Variants in LRRC4C observed in about 807,000 individuals in gnomAD.
The protein encoded by LRRC4C is leucine-rich repeat-containing protein 4C.
A neutral mutation model predicts 33.6 loss-of-function variants in LRRC4C; 5 were observed. The observed-to-expected ratio is 0.15, with a 90% CI of 0.08 to 0.31. The LOEUF is 0.31. LRRC4C is among the 10% of genes least tolerant of loss of function. The pLI is 1.00. For missense variants in LRRC4C, 560 were observed against 796.7 expected, an observed-to-expected ratio of 0.70 and a Z score of 3.58; for synonymous variants, 329 against 302.0, an observed-to-expected ratio of 1.09 and a Z score of -0.93.
At chr11:40,947,407 G>C (rs939401806) in intron 1 of LRRC4C, among the ~76,000 whole-genome samples, 1 of 152,070 alleles carries the variant, frequency 6.6e-6, no homozygotes, top group African/African-American at 2.4e-5. Context: ...TTTAAGCTTT[G>C]TTGGTAACAG....
rs150589657 is a variant in LRRC4C at position 40,358,055 on chromosome 11, T to G, written c.-269-38334A>C. On this transcript the variant is annotated intron_variant, in intron 3 of 6. Transcript: ENST00000528697. ...AAAATTAGCCAGGCATAGTGGCACA[T>G]GCCTGTAGTTCCAGCTACTTGGGAG... 9.8e-3 allele frequency among the ~76,000 whole-genome samples: 1,486 copies of G among 152,090 alleles called. 21 individuals are homozygous for G. Among genetic ancestry groups the G allele is most frequent in the African/African-American group, 0.034 (1,429 of 41,500 alleles).
chr11:41,090,948 GT>G (rs567430236), intron 1 of LRRC4C, among the ~76,000 whole-genome samples: 1,826 of 152,186 alleles, frequency 0.012, 23 homozygotes, highest in Non-Finnish European at 0.021. Context: ...GTCTCAGGCA[GT>G]TCTTTATAGC....
chr11:41,211,358 C>A (rs1230007457), intron 1 of LRRC4C, among the ~76,000 whole-genome samples: 1 of 151,934 alleles, frequency 6.6e-6, no homozygotes, highest in Non-Finnish European at 1.5e-5. Flanking sequence ...ACTTTAAGTT[C>A]TAGGGTACAT....
chr11:40,749,708 A>G (rs1180826198), intron 2 of LRRC4C, among the ~76,000 whole-genome samples: 1 of 151,954 alleles, frequency 6.6e-6, no homozygotes, highest in Non-Finnish European at 1.5e-5. Context: ...ATAGGTAAAC[A>G]AAAGTAATAA....
Position 41,291,202 on chromosome 11 carries a change from G to A in LRRC4C, c.-496+168229C>T, listed in dbSNP as rs568437549. Among the ~76,000 whole-genome samples, 11 of 152,236 alleles carry A rather than the reference G, an allele frequency of 7.2e-5. No individual in the cohort carries two copies. The East Asian group carries it at 2.1e-3, about 29-fold the overall frequency. ...TCAAACTTTGCAATGAAATTCAAGA[G>A]ATAAGATTCACCACTTAGGAAGGAG... On this transcript the variant is annotated intron_variant, in intron 1 of 6. Coordinates refer to ENST00000528697, the MANE Select transcript of LRRC4C (RefSeq NM_001258419.2).
chr11:41,351,900 C>T (rs1951997289), intron 1 of LRRC4C, among the ~76,000 whole-genome samples: 1 of 152,072 alleles, frequency 6.6e-6, no homozygotes, highest in Admixed American at 6.5e-5. Flanking sequence ...AATGAAAGAC[C>T]ATTACTTGAC....
At chr11:40,716,236 G>T (rs776667959) in intron 2 of LRRC4C, among the ~76,000 whole-genome samples, 1 of 152,254 alleles carries the variant, frequency 6.6e-6, no homozygotes, top group Middle Eastern at 3.4e-3. Flanking sequence ...ATGGGTCCAT[G>T]TGCAAGGTCC....
intron 1 of LRRC4C, among the ~76,000 whole-genome samples, chr11:40,948,620 TG>T (rs2136684204): frequency 6.7e-6 from 1 of 148,336 alleles, no homozygotes; most frequent in Admixed American, 6.8e-5. Flanking sequence ...ATGCGGTGTT[TG>T]GTTTTTTGTT....
At chr11:40,708,712 T>A (rs1946304250) in intron 2 of LRRC4C, among the ~76,000 whole-genome samples, 1 of 152,210 alleles carries the variant, frequency 6.6e-6, no homozygotes, top group Admixed American at 6.5e-5. Context: ...GTTCTGTAGA[T>A]GTCTATTAGG....
chr11:40,358,594 T>C (rs891232004), intron 3 of LRRC4C, among the ~76,000 whole-genome samples: 1 of 152,156 alleles, frequency 6.6e-6, no homozygotes, highest in African/African-American at 2.4e-5. Context: ...AATCTCTTAA[T>C]ATAACCTCCC....
chr11:40,353,357 C>T (rs553914706), intron 3 of LRRC4C, among the ~76,000 whole-genome samples: 2 of 152,178 alleles, frequency 1.3e-5, no homozygotes, highest in South Asian at 4.1e-4. Flanking sequence ...ATCAATTCTG[C>T]TCTTGAGAAA....
intron 1 of LRRC4C, among the ~76,000 whole-genome samples, chr11:40,961,194 G>A (rs541000431): frequency 3.3e-5 from 5 of 151,804 alleles, no homozygotes; most frequent in African/African-American, 9.6e-5. Flanking sequence ...AAATCCATGA[G>A]GCACTGAAAA....
chr11:41,190,409 T>C (rs1945889318), intron 1 of LRRC4C, among the ~76,000 whole-genome samples: 1 of 152,150 alleles, frequency 6.6e-6, no homozygotes, highest in Non-Finnish European at 1.5e-5. Context: ...AATCCAAGCA[T>C]TTGCAGGAAG....
At chr11:41,261,052 T>C (rs1322244517) in intron 1 of LRRC4C, among the ~76,000 whole-genome samples, 3 of 152,118 alleles carry the variant, frequency 2.0e-5, no homozygotes, top group Admixed American at 1.3e-4. Flanking sequence ...TTTTGAAAGT[T>C]TGTGCTCCTC....
chr11:41,274,498 CA>C (rs1361125085), intron 1 of LRRC4C, among the ~76,000 whole-genome samples: 2 of 152,076 alleles, frequency 1.3e-5, no homozygotes, highest in Non-Finnish European at 2.9e-5. Flanking sequence ...GAAGTGAAGC[CA>C]GCTGGACTTC....
chr11:40,879,586 A>T (rs1474242480), intron 2 of LRRC4C, among the ~76,000 whole-genome samples: 2 of 152,168 alleles, frequency 1.3e-5, no homozygotes, highest in Non-Finnish European at 2.9e-5. Flanking sequence ...ACTAAAATTT[A>T]TTAAGTAAAC....
At chr11:40,436,694 T>A (rs759216126) in intron 3 of LRRC4C, among the ~76,000 whole-genome samples, 3 of 152,172 alleles carry the variant, frequency 2.0e-5, no homozygotes, top group Non-Finnish European at 4.4e-5. Flanking sequence ...TGAGATGCCA[T>A]CTGCCAGAAG....
intron 5 of LRRC4C, among the ~76,000 whole-genome samples, chr11:40,186,175 G>A (rs981223663): frequency 1.3e-5 from 2 of 152,094 alleles, no homozygotes. Flanking sequence ...ATTTAATGGG[G>A]GAATGAATAC....
At chr11:41,337,877 T>C in intron 1 of LRRC4C, among the ~76,000 whole-genome samples, 1 of 151,792 alleles carries the variant, frequency 6.6e-6, no homozygotes, top group East Asian at 1.9e-4. Flanking sequence ...ATGGGCAAAG[T>C]ATATGAACAG....
Sources: gnomAD v4.1 joint callset for allele counts (sites outside exome capture counted in the v4.1 genomes callset) on GRCh38, gnomAD v4.1.1 for gene constraint, MANE v1.5 for transcripts, NCBI Gene and HGNC (gene_info 2026-07-23, HGNC 2026-07-21) for gene names.